EOGT: variants seen among roughly 807,000 people sequenced by gnomAD.
The protein encoded by EOGT is EGF domain specific O-linked N-acetylglucosamine transferase, also known as EGF domain-specific O-linked N-acetylglucosamine transferase.
A neutral mutation model predicts 70.5 loss-of-function variants in EOGT; 55 were observed. The observed-to-expected ratio is 0.78, with a 90% CI of 0.63 to 0.98. EOGT has a LOEUF of 0.98. Ranked by LOEUF, EOGT falls within the 50% of genes least tolerant of loss-of-function variation. The probability of loss-of-function intolerance (pLI) is 0.00; values close to 1 mark genes in which losing one functional copy is unlikely to be tolerated. For synonymous variants in EOGT, 246 were observed against 217.1 expected (o/e 1.13, Z -1.17); for missense variants, 703 against 641.9 (o/e 1.10, Z -1.03).
At chr3:68,978,943 TATATC>T (rs71112681) in intron 16 of EOGT, among the ~76,000 whole-genome samples, 8,860 of 151,886 alleles carry the variant, frequency 0.058, 639 homozygotes, top group East Asian at 0.39. Flanking sequence ...TTTCTCTACA[TATATC>T]ATATATATTT....
At chr3:69,012,227 CGGGAGGAGG>C (rs1478284226) in intron 2 of EOGT, 9 of 152,238 alleles carry the variant, frequency 5.9e-5, no homozygotes, top group African/African-American at 2.2e-4. Flanking sequence ...CAATGGGGAA[CGGGAGGAGG>C]TGGCCCACTT....
At chr3:68,981,372 G>C (rs112700152) in intron 15 of EOGT, among the ~76,000 whole-genome samples, 1,714 of 152,178 alleles carry the variant, frequency 0.011, 28 homozygotes, top group East Asian at 0.042. Context: ...GAAGTGCAAA[G>C]CTCCCATGCC....
At chr3:68,996,815 G>C (rs1016346158) in intron 10 of EOGT, among the ~76,000 whole-genome samples, 3 of 152,322 alleles carry the variant, frequency 2.0e-5, no homozygotes, top group Admixed American at 2.0e-4. Context: ...AGAATGTTGA[G>C]TGGAACCTTA....
At chr3:69,002,782 G>A (rs2091333284) in intron 8 of EOGT, among the ~76,000 whole-genome samples, 1 of 152,038 alleles carries the variant, frequency 6.6e-6, no homozygotes, top group Non-Finnish European at 1.5e-5. Flanking sequence ...AGCCTCCCAA[G>A]TAGCTAGGAT....
chr3:69,013,285 C>T (rs1006542576), intron 1 of EOGT, among the ~76,000 whole-genome samples: 3 of 151,708 alleles, frequency 2.0e-5, no homozygotes, highest in African/African-American at 7.3e-5. Context: ...GGAGCGGCTC[C>T]GCCCCGGCTG....
intron 13 of EOGT, 45 bp downstream of exon 13, chr3:68,988,250 G>T: frequency 1.6e-6 from 2 of 1,285,588 alleles, no homozygotes; most frequent in Non-Finnish European, 2.2e-6. Flanking sequence ...TTTTATTAGG[G>T]AAGAAAACTC....
chr3:69,005,291 T>A (rs547869160), intron 6 of EOGT, 57 bp from the exon 7 acceptor site: 32 of 971,646 alleles, frequency 3.3e-5, no homozygotes, highest in Non-Finnish European at 5.0e-5. Context: ...CAAAGACTCA[T>A]CCGGACTTGC....
rs1553673402 is a variant in EOGT, at chr3:69,007,507, C to CGGGGCGG, written c.420+205_420+206insCCGCCCC. Among the ~76,000 whole-genome samples the CGGGGCGG allele has an allele frequency of 8.1e-5, 2 of 24,782 alleles. 1 individual carries two copies. Among genetic ancestry groups the CGGGGCGG allele is most frequent in the East Asian group, 1.2e-3 (2 of 1,678 alleles). The allele number at this position is 24,782 out of a possible 152,430, so 16.3% of individuals were successfully genotyped here. On this transcript the variant is annotated intron_variant, in intron 6 of 17. Transcript: ENST00000383701. ...CCTTTACTAAAAATATAAAAATTAG[C>CGGGGCGG]GGGGGGGGGTGGCACGCGCCTGTAA...
intron 10 of EOGT, among the ~76,000 whole-genome samples, chr3:68,991,107 A>G (rs2090982543): frequency 1.3e-5 from 2 of 152,236 alleles, no homozygotes; most frequent in African/African-American, 4.8e-5. Context: ...TAATAATAAA[A>G]TACAGTAATC....
At chr3:68,995,507 T>G (rs558045723) in intron 10 of EOGT, among the ~76,000 whole-genome samples, 4 of 152,282 alleles carry the variant, frequency 2.6e-5, no homozygotes, top group South Asian at 4.2e-4. Flanking sequence ...TCATGTCTCA[T>G]GCTCAGCTGA....
In EOGT at chr3:68,988,350, C is replaced by A. The variant is rs761174000; in HGVS notation, c.1028G>T (p.Arg343Met). The A allele has an allele frequency of 2.6e-6, 4 of 1,535,830 alleles. No homozygotes were observed. Among genetic ancestry groups the A allele is most frequent in the East Asian group, 4.9e-5 (2 of 40,926 alleles). Residue 343 changes from arginine (R) to methionine (M), a missense_variant, in exon 13 of 18, where the codon AGG becomes ATG. Arg to Met is a moderately conservative substitution (Grantham distance 91, BLOSUM62 -1). Transcript: ENST00000383701. ...ISGCQNTGLF[R>M]AFAQHVLHRL... ...GTGTAGTACATGCTGGGCAAATGCCCTGAATAGTCCAGTATTTTGACAGCC... is the reference window on the plus strand; with the variant it reads ...GTGTAGTACATGCTGGGCAAATGCCATGAATAGTCCAGTATTTTGACAGCC...
intron 14 of EOGT, among the ~76,000 whole-genome samples, chr3:68,984,227 T>TCACA (rs375056353): frequency 0.017 from 2,473 of 149,038 alleles, 75 homozygotes; most frequent in African/African-American, 0.057. Flanking sequence ...TCTCTCACAC[T>TCACA]CACACACACA....
chr3:68,994,132 G>A lies in EOGT; in HGVS notation c.831+3879C>T, dbSNP rs143817708. On this transcript the variant is annotated intron_variant, in intron 10 of 17. Transcript: ENST00000383701. Reference sequence around the variant, plus strand: ...AGACAGTAATATATATTATATATACGCACACACACATATGTTATGACTATA... The same window carrying A: ...AGACAGTAATATATATTATATATACACACACACACATATGTTATGACTATA... Among the ~76,000 whole-genome samples the A allele has an allele frequency of 1.3e-3, 195 of 152,052 alleles. 1 individual carries two copies. Among genetic ancestry groups the A allele is most frequent in the African/African-American group, 4.6e-3 (190 of 41,440 alleles).
chr3:68,999,301 AACT>A (rs1178834015), intron 9 of EOGT, among the ~76,000 whole-genome samples: 2 of 152,312 alleles, frequency 1.3e-5, no homozygotes, highest in East Asian at 1.9e-4. Context: ...GGGTTGTGGG[AACT>A]ACTATTTGTA....
In EOGT at chr3:68,978,417, T is replaced by C. The variant is rs755174796; in HGVS notation, c.1353A>G (p.Glu451=). The change falls in exon 17 of 18, where the codon GAA becomes GAG. Residue 451 remains glutamate, a synonymous_variant. Coordinates refer to ENST00000383701, the MANE Select transcript of EOGT (RefSeq NM_001278689.2). ...AVFELYNCED[E]RCYLDLARLR... is the part of the protein sequence containing the mutation. ...GCCTGGCCAAGTCTAAGTAACAGCG[T>C]TCATCTTCACAGTTGTACCTAAGGA... 4 of 1,610,750 alleles carry C rather than the reference T, an allele frequency of 2.5e-6. No individual in the cohort carries two copies. In the East Asian group the frequency reaches 8.9e-5, roughly 36 times the overall value.
chr3:68,989,811 T>C (rs2090933157), intron 10 of EOGT, among the ~76,000 whole-genome samples: 1 of 149,044 alleles, frequency 6.7e-6, no homozygotes, highest in Non-Finnish European at 1.5e-5. Flanking sequence ...TCACAGTGGC[T>C]CATGCTTGTA....
At chr3:68,991,252 G>C (rs970591218) in intron 10 of EOGT, among the ~76,000 whole-genome samples, 1 of 152,180 alleles carries the variant, frequency 6.6e-6, no homozygotes, top group African/African-American at 2.4e-5. Flanking sequence ...TCATGTTGAA[G>C]AATATTTGGA....
intron 14 of EOGT, among the ~76,000 whole-genome samples, chr3:68,984,836 C>T (rs985780958): frequency 6.6e-6 from 1 of 152,130 alleles, no homozygotes; most frequent in Non-Finnish European, 1.5e-5. Context: ...CTCAGCCTGC[C>T]CCTTCCTGAT....
chr3:69,004,139 T>C (rs898177276), intron 8 of EOGT, among the ~76,000 whole-genome samples: 2 of 152,216 alleles, frequency 1.3e-5, no homozygotes, highest in Non-Finnish European at 2.9e-5. Context: ...AAAAATGGAT[T>C]TTTAAGCTGA....
Sources: gnomAD v4.1 joint callset for allele counts (sites outside exome capture counted in the v4.1 genomes callset) on GRCh38, gnomAD v4.1.1 for gene constraint, MANE v1.5 for transcripts, NCBI Gene and HGNC (gene_info 2026-07-23, HGNC 2026-07-21) for gene names.